CNPY1: variants seen among roughly 807,000 people sequenced by gnomAD.
CNPY1 encodes canopy FGF signaling regulator 1, also known as protein canopy homolog 1.
CNPY1 carries 14 observed loss-of-function variants against 14.4 expected under a neutral mutation model. The observed-to-expected ratio is 0.97, with a 90% CI of 0.64 to 1.52. The LOEUF (loss-of-function observed/expected upper bound fraction) is 1.52. CNPY1 is among the 40% of genes most tolerant of loss of function. The probability of loss-of-function intolerance (pLI) is 0.00; values close to 1 mark genes in which losing one functional copy is unlikely to be tolerated. For synonymous variants in CNPY1, 43 were observed against 46.5 expected, an observed-to-expected ratio of 0.92 and a Z score of 0.31; for missense variants, 129 against 131.5, an observed-to-expected ratio of 0.98 and a Z score of 0.09.
chr7:155,539,232 T>C (rs1797057613), intron 2 of CNPY1, among the ~76,000 whole-genome samples: 1 of 152,244 alleles, frequency 6.6e-6, no homozygotes, highest in African/African-American at 2.4e-5. Flanking sequence ...ATCAAATATC[T>C]TTAGGCTACC....
rs10263089 is a variant in CNPY1, at chr7:155,542,835, G to C, written c.99+2996C>G. Among the ~76,000 whole-genome samples, 1,371 of 152,342 alleles carry C rather than the reference G, an allele frequency of 9.0e-3. 13 individuals carry two copies. The highest frequency in any genetic ancestry group is 0.027 in the African/African-American group (1,111 of 41,582). ...TTGACTCTTCTTCTAAGCAAGGGAG[G>C]CCTGGCCTGAGAGAAGCTGGTTTGC... On this transcript the variant is annotated intron_variant, in intron 2 of 4. Transcript: ENST00000636446.
chr7:155,531,244 T>C (rs1382329771), intron 2 of CNPY1, among the ~76,000 whole-genome samples: 3 of 152,180 alleles, frequency 2.0e-5, no homozygotes, highest in Admixed American at 1.3e-4. Flanking sequence ...CCTCTAGCTG[T>C]TCACAGGCTT....
chr7:155,523,993 G>C (rs1303255331), intron 2 of CNPY1, among the ~76,000 whole-genome samples: 1 of 152,102 alleles, frequency 6.6e-6, no homozygotes, highest in African/African-American at 2.4e-5. Flanking sequence ...CCAGAAGCTA[G>C]AAAAAGCCAC....
chr7:155,516,263 G>C (rs1176224926), intron 2 of CNPY1, among the ~76,000 whole-genome samples: 1 of 152,230 alleles, frequency 6.6e-6, no homozygotes, highest in African/African-American at 2.4e-5. Context: ...CAAGAGTTCT[G>C]AATGATGGCA....
chr7:155,542,686 G>A (rs1039271380), intron 2 of CNPY1, among the ~76,000 whole-genome samples: 10 of 152,186 alleles, frequency 6.6e-5, no homozygotes, highest in African/African-American at 2.4e-4. Context: ...GCAGGCTGTC[G>A]TGGGCACCTG....
Position 155,503,279 on chromosome 7 carries a change from G to A in CNPY1, c.401-174C>T, listed in dbSNP as rs898481547. Among the ~76,000 whole-genome samples, 38 of 152,152 alleles carry A rather than the reference G, an allele frequency of 2.5e-4. 1 individual carries two copies. The highest frequency in any genetic ancestry group is 8.7e-4 in the African/African-American group (36 of 41,452). On this transcript the variant is annotated intron_variant, in intron 4 of 4. Coordinates refer to ENST00000636446, the MANE Select transcript of CNPY1 (RefSeq NM_001393663.1). ...ATTACCCAAAAGCAGAAAGAAGGGT[G>A]TAATCTATTCCCCTGCACCCCAAAC...
At chr7:155,529,976 C>A (rs1358200046) in intron 2 of CNPY1, among the ~76,000 whole-genome samples, 1 of 151,886 alleles carries the variant, frequency 6.6e-6, no homozygotes, top group Non-Finnish European at 1.5e-5. Context: ...TAGAGACGGG[C>A]TTTACCATGT....
At chr7:155,527,775 T>C (rs1259212882) in intron 2 of CNPY1, among the ~76,000 whole-genome samples, 1 of 152,170 alleles carries the variant, frequency 6.6e-6, no homozygotes, top group Non-Finnish European at 1.5e-5. Context: ...CAAAGAAATA[T>C]TTGAAAACCC....
intron 2 of CNPY1, among the ~76,000 whole-genome samples, chr7:155,520,781 G>A (rs973498516): frequency 6.6e-6 from 1 of 152,004 alleles, no homozygotes; most frequent in Non-Finnish European, 1.5e-5. Context: ...CTTTATGTTC[G>A]TTAATACCCA....
At chr7:155,528,441 C>T (rs1796869848) in intron 2 of CNPY1, among the ~76,000 whole-genome samples, 2 of 152,242 alleles carry the variant, frequency 1.3e-5, no homozygotes, top group Non-Finnish European at 2.9e-5. Flanking sequence ...CCAGGTTAAG[C>T]TACGCCGTGG....
intron 2 of CNPY1, among the ~76,000 whole-genome samples, chr7:155,533,332 G>A (rs560588812): frequency 1.3e-5 from 2 of 152,328 alleles, no homozygotes; most frequent in East Asian, 1.9e-4. Context: ...CTCGGAACAT[G>A]CCCGTTCGTC....
chr7:155,510,006 G>C (rs1483994445), intron 2 of CNPY1, among the ~76,000 whole-genome samples: 1 of 152,166 alleles, frequency 6.6e-6, no homozygotes, highest in Non-Finnish European at 1.5e-5. Flanking sequence ...CCGCGCCGCA[G>C]CCCGGGCCTT....
chr7:155,513,861 T>C (rs940663962), intron 2 of CNPY1, among the ~76,000 whole-genome samples: 4 of 152,272 alleles, frequency 2.6e-5, no homozygotes, highest in African/African-American at 7.2e-5. Flanking sequence ...TAGCATTTGC[T>C]TTCCTATTTT....
At chr7:155,535,380 T>C (rs75798561) in intron 2 of CNPY1, among the ~76,000 whole-genome samples, 6,285 of 152,192 alleles carry the variant, frequency 0.041, 168 homozygotes, top group Middle Eastern at 0.078. Context: ...GAAGGGAGCA[T>C]TTCAACTGCA....
At chr7:155,529,544 C>A (rs552418178) in intron 2 of CNPY1, among the ~76,000 whole-genome samples, 48 of 152,258 alleles carry the variant, frequency 3.2e-4, no homozygotes, top group African/African-American at 1.1e-3. Context: ...TGGCTGCTGG[C>A]AACCCTCGGC....
intron 3 of CNPY1, among the ~76,000 whole-genome samples, chr7:155,507,778 A>G (rs1796378755): frequency 6.6e-6 from 1 of 152,184 alleles, no homozygotes; most frequent in Admixed American, 6.5e-5. Flanking sequence ...TGAAAATCTT[A>G]AATTCTAACT....
At position 155,501,530 on chromosome 7, in the gene CNPY1, T is replaced by C. The variant is rs1049472125; in HGVS notation, c.*1538A>G. The C allele has an allele frequency of 2.0e-5, 3 of 152,244 alleles. No homozygotes were observed. Among genetic ancestry groups the C allele is most frequent in the Non-Finnish European group, 2.9e-5 (2 of 68,040 alleles). The allele number at this position is 152,244 out of a possible 1,614,324, so 9.4% of individuals were successfully genotyped here. A position where few individuals can be genotyped will look rare whatever the true frequency, so the allele number is the denominator to read the frequency against. ...ACTAGGTTTTCAGGAATAATTGTCC[T>C]GTTTAGTGCATTTCCCAAGAAAATC... On this transcript the variant is annotated 3_prime_UTR_variant, in exon 5 of 5. Coordinates refer to ENST00000636446, the MANE Select transcript of CNPY1 (RefSeq NM_001393663.1).
At chr7:155,507,231 G>A in intron 3 of CNPY1, 115 bp from the exon 4 acceptor site, 1 of 689,842 alleles carries the variant, frequency 1.4e-6, no homozygotes, top group Non-Finnish European at 2.6e-6. Context: ...TAACCAAGGT[G>A]GTCCATTTTT....
At chr7:155,533,504 CGGCCCGCGCAGAGCGG>C (rs1291722035) in intron 2 of CNPY1, among the ~76,000 whole-genome samples, 2 of 152,214 alleles carry the variant, frequency 1.3e-5, no homozygotes, top group Non-Finnish European at 2.9e-5. Context: ...GTGCACGCTC[CGGCCCGCGCAGAGCGG>C]GGCCAGCTCC....
Sources: allele counts gnomAD v4.1 joint callset (sites outside exome capture counted in the v4.1 genomes callset), GRCh38; gene constraint gnomAD v4.1.1; transcripts MANE v1.5; gene names NCBI Gene and HGNC (gene_info 2026-07-23, HGNC 2026-07-21).